CCNF: variants seen among roughly 807,000 people sequenced by gnomAD.
The protein encoded by CCNF is cyclin-F.
Under a neutral mutation model 85.4 loss-of-function variants are expected in CCNF, and 30 were observed. The ratio of observed to expected loss-of-function variants is 0.35; its 90% CI spans 0.26 to 0.48. The LOEUF (loss-of-function observed/expected upper bound fraction) is 0.48, where lower values mean the gene tolerates loss of function less well. Among genes scored for constraint, CCNF ranks in the 20% least tolerant of loss-of-function variants. The pLI, the probability that CCNF is intolerant of heterozygous loss-of-function variation, is 0.99. For synonymous variants in CCNF, 439 were observed against 425.1 expected (o/e 1.03, Z -0.40); for missense variants, 919 against 1,010.4 (o/e 0.91, Z 1.23).
intron 8 of CCNF, among the ~76,000 whole-genome samples, chr16:2,443,412 C>T (rs191312845): frequency 1.6e-4 from 24 of 151,758 alleles, no homozygotes; most frequent in African/African-American, 4.6e-4. Context: ...ACCTGAGCCA[C>T]GGTGGAAAGG....
At position 2,451,877 on chromosome 16, in the gene CCNF, T is replaced by C. The variant is rs1279558973; in HGVS notation, c.1488-1333T>C. ...CTCCTCAGACTCCTTCCTGGGAGAC[T>C]TCACCACTTCCAGAATTCAGGCCAC... On this transcript the variant is annotated intron_variant, in intron 13 of 16. Coordinates refer to ENST00000397066, the MANE Select transcript of CCNF (RefSeq NM_001761.3). This position sits in a 1 kb window ranked among gnomAD's most constrained non-coding sequence, Gnocchi z 4.3. Among the ~76,000 whole-genome samples the C allele has an allele frequency of 6.6e-6, 1 of 151,424 alleles. No individual in the cohort carries two copies. The highest frequency in any genetic ancestry group is 1.5e-5 in the Non-Finnish European group (1 of 67,816).
At chr16:2,442,975 A>G (rs28700212) in intron 8 of CCNF, among the ~76,000 whole-genome samples, 75,047 of 100,086 alleles carry the variant, frequency 0.75, 28,785 homozygotes, top group African/African-American at 0.92. Flanking sequence ...ATATTTATAT[A>G]TTATATATTA....
intron 12 of CCNF, 97 bp from the exon 13 acceptor site, chr16:2,449,731 C>A: frequency 2.4e-6 from 2 of 844,734 alleles, no homozygotes; most frequent in Non-Finnish European, 4.1e-6. Flanking sequence ...AGCTATAGAG[C>A]GGGAGTGTTC....
chr16:2,441,499 G>T (rs1463212189), intron 8 of CCNF, among the ~76,000 whole-genome samples: 1 of 152,006 alleles, frequency 6.6e-6, no homozygotes, highest in Non-Finnish European at 1.5e-5. Flanking sequence ...GGGCGCAGTG[G>T]CTCACATTTA....
At chr16:2,447,841 C>T (rs1333329819) in intron 10 of CCNF, among the ~76,000 whole-genome samples, 7 of 152,220 alleles carry the variant, frequency 4.6e-5, no homozygotes, top group Admixed American at 4.6e-4. Flanking sequence ...ACACCCCACG[C>T]TGGGCTCTCA....
chr16:2,438,318 C>T (rs534465527), intron 6 of CCNF, among the ~76,000 whole-genome samples, 195 bp downstream of exon 6: 3 of 152,278 alleles, frequency 2.0e-5, no homozygotes, highest in Admixed American at 6.5e-5. Flanking sequence ...CTCCATGACC[C>T]GCCTGGCAGG....
chr16:2,439,603 G>A (rs1176273910), intron 7 of CCNF, 146 bp downstream of exon 7: 12 of 895,604 alleles, frequency 1.3e-5, no homozygotes, highest in East Asian at 2.6e-5. Context: ...CTGGTCAGTC[G>A]GCTATTCTTG....
rs757883816 is a variant in CCNF, at chr16:2,432,943, G to GCCC, written c.172-15_172-13dup. On this transcript the variant is annotated splice_polypyrimidine_tract_variant and intron_variant, in intron 2 of 16. Coordinates refer to ENST00000397066, the MANE Select transcript of CCNF (RefSeq NM_001761.3). ...GTGGTGCCTCCATCACCCAGCCCCG[G>GCCC]CCCCCGTTGTTCTGCAGGTACACTC... The GCCC allele has an allele frequency of 5.2e-6, 8 of 1,536,274 alleles. No homozygotes were observed. In the African/African-American group the frequency reaches 1.1e-4, roughly 21 times the overall value.
chr16:2,456,725 C>T lies in CCNF; in HGVS notation c.2066C>T (p.Thr689Ile). 6.2e-7 allele frequency: 1 copy of T among 1,612,552 alleles called. No individual in the cohort carries two copies. The highest frequency in any genetic ancestry group is 8.5e-7 in the Non-Finnish European group (1 of 1,179,250). Residue 689 changes from threonine to isoleucine, a missense_variant, in exon 17 of 17, where the codon ACC becomes ATC. Thr to Ile is a moderately conservative substitution (Grantham distance 89). Around this residue, in one of 3 missense-constraint regions of CCNF, gnomAD observed 505 missense variants for 514.8 expected, o/e 0.98. Coordinates refer to ENST00000397066, the MANE Select transcript of CCNF (RefSeq NM_001761.3). The surrounding 1 kb of genome is among the most constrained non-coding windows in gnomAD (Gnocchi z 4.5). ...CCTGGACCCAAACCCCTGGTCCGCA[C>T]CAGCCGGGAGCCAGGGAAGGACGTC... ...ATPGPKPLVRTSREPGKDVTT... is the reference protein window; with the variant it reads ...ATPGPKPLVRISREPGKDVTT...
intron 10 of CCNF, among the ~76,000 whole-genome samples, chr16:2,448,623 A>G (rs1283847461): frequency 2.0e-5 from 3 of 152,186 alleles, no homozygotes; most frequent in Non-Finnish European, 2.9e-5. Flanking sequence ...TTTGTTGCCC[A>G]GGGTGGTCTC....
At chr16:2,437,814 G>A (rs2065299530) in intron 5 of CCNF, 5 of 470,166 alleles carry the variant, frequency 1.1e-5, no homozygotes, top group South Asian at 5.2e-5. Flanking sequence ...TGGGAGGATC[G>A]CTTGAGCCTG....
rs1405987418 is a variant in CCNF at position 2,443,820 on chromosome 16, G to A, written c.929+20G>A. 4.3e-6 allele frequency: 7 copies of A among 1,612,938 alleles called. 1 individual carries two copies. The highest frequency in any genetic ancestry group is 3.3e-4 in the Middle Eastern group (2 of 6,000). On this transcript the variant is annotated intron_variant, in intron 9 of 16. Coordinates refer to ENST00000397066, the MANE Select transcript of CCNF (RefSeq NM_001761.3). ...AATGAGGTGAGGCATTCAGGCCGGG[G>A]CTTCTAATCAGAGCGGCGCGGAAGC...
At chr16:2,433,539 C>T (rs2065272919) in intron 3 of CCNF, among the ~76,000 whole-genome samples, 1 of 152,226 alleles carries the variant, frequency 6.6e-6, no homozygotes. Flanking sequence ...GGAACCACAG[C>T]TCAGGCGGGG....
rs1326503789 is a variant in CCNF at position 2,457,660 on chromosome 16, G to A, written c.*640G>A. 6.6e-6 allele frequency: 1 copy of A among 152,272 alleles called. No homozygotes were observed. The highest frequency in any genetic ancestry group is 1.5e-5 in the Non-Finnish European group (1 of 68,076). The allele number at this position is 152,272 out of a possible 1,614,324, so 9.4% of individuals were successfully genotyped here. On this transcript the variant is annotated 3_prime_UTR_variant, in exon 17 of 17. Transcript: ENST00000397066. Reference sequence around the variant, plus strand: ...CTCTGTCCCAGAGGCGTTCGTATGTGACCCACAGATGGCGTCAATGTGAAC... The same window carrying A: ...CTCTGTCCCAGAGGCGTTCGTATGTAACCCACAGATGGCGTCAATGTGAAC...
In CCNF at chr16:2,453,058, G is replaced by A. The variant is rs2065403509; in HGVS notation, c.1488-152G>A. ...ACCTAGAGAGGAATTGCTAGGTCCTGTGGTGACTGAGTTTAACCATTCGGG... is the reference window on the plus strand; with the variant it reads ...ACCTAGAGAGGAATTGCTAGGTCCTATGGTGACTGAGTTTAACCATTCGGG... On this transcript the variant is annotated intron_variant, in intron 13 of 16. Coordinates refer to ENST00000397066, the MANE Select transcript of CCNF (RefSeq NM_001761.3). This position sits in a 1 kb window ranked among gnomAD's most constrained non-coding sequence, Gnocchi z 5.6. 1 of 678,302 alleles carries A rather than the reference G, an allele frequency of 1.5e-6. No individual in the cohort carries two copies. Among genetic ancestry groups the A allele is most frequent in the African/African-American group, 1.8e-5 (1 of 56,446 alleles). The allele number at this position is 678,302 out of a possible 1,614,324, so 42.0% of individuals were successfully genotyped here.
chr16:2,445,368 T>C, intron 9 of CCNF, 90 bp from the exon 10 acceptor site: 3 of 1,415,440 alleles, frequency 2.1e-6, no homozygotes, highest in African/African-American at 2.8e-5. Flanking sequence ...GCCAGCTTAT[T>C]TGGTCGGGCC....
intron 4 of CCNF, 38 bp from the exon 5 acceptor site, chr16:2,437,091 A>C: frequency 2.7e-6 from 4 of 1,489,614 alleles, no homozygotes; most frequent in Non-Finnish European, 3.6e-6. Context: ...TCCGTCCCTA[A>C]GAGACATCCC....
intron 8 of CCNF, among the ~76,000 whole-genome samples, chr16:2,442,889 T>TAATTATATA (rs532798980): frequency 1.1e-5 from 1 of 89,102 alleles, no homozygotes; most frequent in African/African-American, 4.5e-5. Context: ...TATAATTATA[T>TAATTATATA]ATTATATATT....
Position 2,456,688 on chromosome 16 carries a change from A to G in CCNF, c.2029A>G (p.Ile677Val), listed in dbSNP as rs765788059. The change falls in exon 17 of 17, where the codon ATC becomes GTC. Residue 677 changes from isoleucine (I) to valine (V), a missense_variant. Ile to Val is a conservative substitution (Grantham distance 29). This residue lies in a region of CCNF where 505 missense variants were observed against 514.8 expected (regional missense o/e 0.98). Transcript: ENST00000397066. This position sits in a 1 kb window ranked among gnomAD's most constrained non-coding sequence, Gnocchi z 4.5. ...ACAGGCACTGGCGCTGGACACCCAG[A>G]TCCCTGCAACCCCTGGACCCAAACC... ...DPQALALDTQIPATPGPKPLV... is the reference protein window; with the variant it reads ...DPQALALDTQVPATPGPKPLV... The G allele has an allele frequency of 7.4e-6, 12 of 1,613,438 alleles. No individual in the cohort carries two copies. In the Admixed American group the frequency reaches 1.5e-4, roughly 20 times the overall value.
Sources: allele counts gnomAD v4.1 joint callset (sites outside exome capture counted in the v4.1 genomes callset), GRCh38; gene constraint gnomAD v4.1.1; regional missense constraint gnomAD v4.1.1; non-coding constraint Gnocchi (gnomAD v3.1); transcripts MANE v1.5; gene names NCBI Gene and HGNC (gene_info 2026-07-23, HGNC 2026-07-21).